SPRR2G: variants seen among roughly 807,000 people sequenced by gnomAD.
SPRR2G encodes the protein small proline rich protein 2G, also known as small proline-rich protein 2G.
SPRR2G carries 1 observed loss-of-function variant against 0.7 expected under a neutral mutation model. The observed-to-expected ratio is 1.49, with a 90% CI of 0.53 to 7.06. The LOEUF is 7.06. Ranked by LOEUF, SPRR2G falls within the 30% of genes most tolerant of loss-of-function variation. The pLI, the probability that SPRR2G is intolerant of heterozygous loss-of-function variation, is 0.14. For synonymous variants in SPRR2G, 38 were observed against 33.9 expected, an observed-to-expected ratio of 1.12 and a Z score of -0.42; for missense variants, 96 against 88.5, an observed-to-expected ratio of 1.09 and a Z score of -0.34.
chr1:153,195,207 C>T, the SPRR2G span, among the ~76,000 whole-genome samples: 1 of 152,174 alleles, frequency 6.6e-6, no homozygotes, highest in South Asian at 2.1e-4. Flanking sequence ...AGCATCTAGG[C>T]AGTACGTTGC....
At chr1:153,168,791 C>T in the SPRR2G span, among the ~76,000 whole-genome samples, 2 of 152,038 alleles carry the variant, frequency 1.3e-5, no homozygotes, top group Non-Finnish European at 2.9e-5. Context: ...CAGATTTGGA[C>T]AACAGGGAAT....
chr1:153,202,207 G>A, the SPRR2G span, among the ~76,000 whole-genome samples: 1 of 152,170 alleles, frequency 6.6e-6, no homozygotes, highest in Non-Finnish European at 1.5e-5. Flanking sequence ...AATTTCCACT[G>A]CATGTTTCAT....
At chr1:153,160,511 C>T in the SPRR2G span, among the ~76,000 whole-genome samples, 1 of 152,170 alleles carries the variant, frequency 6.6e-6, no homozygotes, top group African/African-American at 2.4e-5. Flanking sequence ...TCATTCATGC[C>T]AACAGTATGT....
At chr1:153,160,786 G>A in the SPRR2G span, among the ~76,000 whole-genome samples, 1 of 150,920 alleles carries the variant, frequency 6.6e-6, no homozygotes, top group African/African-American at 2.5e-5. Flanking sequence ...AAAGACATAT[G>A]CACATGTATG....
At chr1:153,195,916 C>T in the SPRR2G span, among the ~76,000 whole-genome samples, 5 of 152,160 alleles carry the variant, frequency 3.3e-5, no homozygotes, top group Non-Finnish European at 7.3e-5. Context: ...GGCCACTGGG[C>T]CTCCATAGGT....
upstream of SPRR2G, among the ~76,000 whole-genome samples, chr1:153,155,316 T>G (rs1414449382): frequency 6.6e-6 from 1 of 152,184 alleles, no homozygotes; most frequent in Non-Finnish European, 1.5e-5. Flanking sequence ...TCCAGTATTC[T>G]CTATCCTGTA....
chr1:153,165,521 G>T, the SPRR2G span, among the ~76,000 whole-genome samples: 1 of 152,144 alleles, frequency 6.6e-6, no homozygotes, highest in Non-Finnish European at 1.5e-5. Context: ...GCATCAAATA[G>T]AGACTCAGGG....
the SPRR2G span, among the ~76,000 whole-genome samples, chr1:153,159,005 A>G: frequency 4.6e-4 from 70 of 151,840 alleles, no homozygotes; most frequent in Non-Finnish European, 8.7e-4. Flanking sequence ...CCCACTAAAC[A>G]ATTTTTTCCC....
chr1:153,176,789 T>G, the SPRR2G span: 2 of 152,206 alleles, frequency 1.3e-5, no homozygotes, highest in African/African-American at 4.8e-5. Context: ...CCAGCAATAA[T>G]GCATTGTCTC....
At chr1:153,195,400 G>A in the SPRR2G span, among the ~76,000 whole-genome samples, 7 of 152,288 alleles carry the variant, frequency 4.6e-5, no homozygotes, top group Non-Finnish European at 4.4e-5. Flanking sequence ...GTCTTCTTTG[G>A]TAAACAGCAG....
the SPRR2G span, among the ~76,000 whole-genome samples, chr1:153,177,438 G>A: frequency 6.6e-6 from 1 of 152,142 alleles, no homozygotes; most frequent in African/African-American, 2.4e-5. Context: ...TTTCTGCATT[G>A]ATTGTGCCAC....
chr1:153,169,251 G>A, the SPRR2G span, among the ~76,000 whole-genome samples: 3 of 151,966 alleles, frequency 2.0e-5, no homozygotes, highest in Non-Finnish European at 2.9e-5. Flanking sequence ...ACAGTAGACC[G>A]ACGTTCCTTC....
the SPRR2G span, among the ~76,000 whole-genome samples, chr1:153,187,430 A>G: frequency 6.6e-6 from 1 of 151,808 alleles, no homozygotes; most frequent in Non-Finnish European, 1.5e-5. Flanking sequence ...TCTTGTCTTC[A>G]TGCTTTATTT....
chr1:153,164,098 G>A, the SPRR2G span, among the ~76,000 whole-genome samples: 10 of 152,180 alleles, frequency 6.6e-5, no homozygotes, highest in East Asian at 7.7e-4. Flanking sequence ...AAATATTTTC[G>A]TTCTCAACTG....
At chr1:153,172,054 C>T in the SPRR2G span, among the ~76,000 whole-genome samples, 14 of 152,236 alleles carry the variant, frequency 9.2e-5, 1 homozygote, top group South Asian at 6.2e-4. Flanking sequence ...GAAATTGGAG[C>T]GACCTACAGC....
chr1:153,196,774 G>A, the SPRR2G span, among the ~76,000 whole-genome samples: 2 of 152,178 alleles, frequency 1.3e-5, no homozygotes, highest in East Asian at 3.8e-4. Flanking sequence ...CTCGCTTTGT[G>A]CCCTGAGCCT....
the SPRR2G span, among the ~76,000 whole-genome samples, chr1:153,202,299 C>T: frequency 6.6e-6 from 1 of 152,162 alleles, no homozygotes; most frequent in Non-Finnish European, 1.5e-5. Context: ...CTTTTTCCAG[C>T]CCTCCCTTTT....
At chr1:153,190,456 C>T in the SPRR2G span, 1 of 152,228 alleles carries the variant, frequency 6.6e-6, no homozygotes, top group South Asian at 2.1e-4. Context: ...AATCTACAGC[C>T]CCTCCCAGCT....
At chr1:153,166,765 A>G in the SPRR2G span, among the ~76,000 whole-genome samples, 1 of 152,242 alleles carries the variant, frequency 6.6e-6, no homozygotes, top group Non-Finnish European at 1.5e-5. Context: ...ATCTAAGAAA[A>G]GAACAGTCCT....
Sources: allele counts gnomAD v4.1 joint callset (sites outside exome capture counted in the v4.1 genomes callset), GRCh38; gene constraint gnomAD v4.1.1; transcripts MANE v1.5; gene names NCBI Gene and HGNC (gene_info 2026-07-23, HGNC 2026-07-21).